UBE2E2: variants seen among roughly 807,000 people sequenced by gnomAD.
The protein encoded by UBE2E2 is ubiquitin conjugating enzyme E2 E2.
Under a neutral mutation model 24.7 loss-of-function variants are expected in UBE2E2, and 6 were observed. That is an observed-to-expected ratio of 0.24 (90% CI 0.13 to 0.48). The LOEUF (loss-of-function observed/expected upper bound fraction) is 0.48. UBE2E2 is among the 20% of genes least tolerant of loss of function. The pLI is 0.99. For synonymous variants in UBE2E2, 104 were observed against 83.6 expected (o/e 1.24, Z -1.33); for missense variants, 169 against 245.0 (o/e 0.69, Z 2.07).
intron 3 of UBE2E2, among the ~76,000 whole-genome samples, chr3:23,239,009 C>G (rs1464802753): frequency 6.6e-6 from 1 of 152,092 alleles, no homozygotes; most frequent in South Asian, 2.1e-4. Context: ...TTGGAACATG[C>G]GTGAATTTGT....
chr3:23,253,743 G>T (rs1412853141), intron 3 of UBE2E2, among the ~76,000 whole-genome samples: 1 of 152,056 alleles, frequency 6.6e-6, no homozygotes, highest in Non-Finnish European at 1.5e-5. Flanking sequence ...TCATTGGATG[G>T]TTATATATCC....
chr3:23,334,406 C>T (rs948046142), intron 3 of UBE2E2, among the ~76,000 whole-genome samples: 3 of 151,954 alleles, frequency 2.0e-5, no homozygotes, highest in African/African-American at 7.3e-5. Context: ...GGGGCACAGC[C>T]GTTGGTGTGT....
At chr3:23,565,631 G>A (rs571191589) in intron 5 of UBE2E2, among the ~76,000 whole-genome samples, 5 of 151,680 alleles carry the variant, frequency 3.3e-5, no homozygotes, top group Non-Finnish European at 7.4e-5. Flanking sequence ...GAGGTTATAG[G>A]GGCCCTCTGG....
chr3:23,493,864 G>T (rs1351942077), intron 3 of UBE2E2, among the ~76,000 whole-genome samples: 7 of 151,976 alleles, frequency 4.6e-5, no homozygotes. Flanking sequence ...GTGTATTTTT[G>T]ATCATCTGCA....
At chr3:23,498,496 T>C (rs1217467335) in intron 3 of UBE2E2, among the ~76,000 whole-genome samples, 1 of 152,216 alleles carries the variant, frequency 6.6e-6, no homozygotes, top group African/African-American at 2.4e-5. Context: ...GGAATTATGA[T>C]GAATCAATTT....
At chr3:23,444,652 C>T (rs1698386267) in intron 3 of UBE2E2, among the ~76,000 whole-genome samples, 1 of 152,190 alleles carries the variant, frequency 6.6e-6, no homozygotes, top group Non-Finnish European at 1.5e-5. Flanking sequence ...GAGGGCAGTG[C>T]TCCAACACTG....
At chr3:23,288,041 T>A (rs1452782085) in intron 3 of UBE2E2, among the ~76,000 whole-genome samples, 1 of 152,144 alleles carries the variant, frequency 6.6e-6, no homozygotes, top group Non-Finnish European at 1.5e-5. Flanking sequence ...AAGTTTTTCT[T>A]TTTTGATGCA....
intron 4 of UBE2E2, among the ~76,000 whole-genome samples, chr3:23,512,687 G>A (rs1324412352): frequency 6.6e-6 from 1 of 152,032 alleles, no homozygotes; most frequent in Non-Finnish European, 1.5e-5. Flanking sequence ...GCTCATGCCT[G>A]TAATCCCAGC....
intron 2 of UBE2E2, among the ~76,000 whole-genome samples, chr3:23,212,638 A>G (rs930323813): frequency 2.6e-5 from 4 of 152,118 alleles, no homozygotes; most frequent in African/African-American, 9.7e-5. Flanking sequence ...AGGTTGAAAG[A>G]TTGATTCCAC....
At chr3:23,241,335 C>A (rs1457043936) in intron 3 of UBE2E2, among the ~76,000 whole-genome samples, 1 of 152,146 alleles carries the variant, frequency 6.6e-6, no homozygotes. Context: ...TCCCTTCTTC[C>A]ATCCTTCCTT....
chr3:23,588,715 T>C (rs1478127622), intron 5 of UBE2E2, among the ~76,000 whole-genome samples: 1 of 152,150 alleles, frequency 6.6e-6, no homozygotes, highest in Non-Finnish European at 1.5e-5. Flanking sequence ...CAAGCCCTGC[T>C]CCACCCCTTT....
chr3:23,360,583 G>A (rs1038027722), intron 3 of UBE2E2, among the ~76,000 whole-genome samples: 8 of 152,092 alleles, frequency 5.3e-5, no homozygotes, highest in African/African-American at 1.9e-4. Flanking sequence ...GTATGCGGGG[G>A]ACCTATCAGG....
At chr3:23,534,950 C>T (rs1376993417) in intron 5 of UBE2E2, among the ~76,000 whole-genome samples, 1 of 152,204 alleles carries the variant, frequency 6.6e-6, no homozygotes, top group Non-Finnish European at 1.5e-5. Flanking sequence ...CTTATCCATA[C>T]ATAAACTTAT....
chr3:23,323,937 C>T (rs1694816140), intron 3 of UBE2E2, among the ~76,000 whole-genome samples: 1 of 152,156 alleles, frequency 6.6e-6, no homozygotes, highest in Non-Finnish European at 1.5e-5. Flanking sequence ...CTCTTCACTT[C>T]TCCATGGCCT....
intron 1 of UBE2E2, 54 bp from the exon 2 acceptor site, chr3:23,208,638 G>C: frequency 7.3e-7 from 1 of 1,371,406 alleles, no homozygotes; most frequent in Non-Finnish European, 9.8e-7. Flanking sequence ...CTGTGTTCTG[G>C]AGGTAGCTTA....
intron 3 of UBE2E2, among the ~76,000 whole-genome samples, chr3:23,445,174 A>G (rs150538207): frequency 6.6e-5 from 10 of 152,304 alleles, no homozygotes; most frequent in South Asian, 2.1e-4. Context: ...TGGGCTCACT[A>G]TGTCAACTCT....
At chr3:23,412,012 A>G (rs1215544272) in intron 3 of UBE2E2, among the ~76,000 whole-genome samples, 2 of 152,184 alleles carry the variant, frequency 1.3e-5, no homozygotes, top group East Asian at 3.8e-4. Flanking sequence ...CTGACTGGTC[A>G]TAAAATTAGC....
intron 3 of UBE2E2, among the ~76,000 whole-genome samples, chr3:23,411,499 C>T (rs1258597477): frequency 6.6e-6 from 1 of 152,170 alleles, no homozygotes; most frequent in Non-Finnish European, 1.5e-5. Flanking sequence ...TTCGAGACCT[C>T]ACCTGTCTAT....
rs900252673 is a variant in UBE2E2 at position 23,376,601 on chromosome 3, A to G, written c.228-123007A>G. On this transcript the variant is annotated intron_variant, in intron 3 of 5. Coordinates refer to ENST00000396703, the MANE Select transcript of UBE2E2 (RefSeq NM_152653.4). ...TTTGTACCATAGAGGTCAAGCCTATAGAGAAACTGGCTTGACCAATACAGT... is the reference window on the plus strand; with the variant it reads ...TTTGTACCATAGAGGTCAAGCCTATGGAGAAACTGGCTTGACCAATACAGT... 2.6e-5 allele frequency among the ~76,000 whole-genome samples: 4 copies of G among 152,348 alleles called. No homozygotes were observed. The East Asian group carries it at 7.7e-4, about 29-fold the overall frequency.
Sources: gnomAD v4.1 joint callset for allele counts (sites outside exome capture counted in the v4.1 genomes callset) on GRCh38, gnomAD v4.1.1 for gene constraint, MANE v1.5 for transcripts, NCBI Gene and HGNC (gene_info 2026-07-23, HGNC 2026-07-21) for gene names.